The following RAB7A variants were observed in gnomAD, a reference collection of about 807,000 sequenced individuals.
The protein encoded by RAB7A is RAB7A, member RAS oncogene family.
RAB7A carries 2 observed loss-of-function variants against 24.5 expected under a neutral mutation model. The observed-to-expected ratio is 0.08, with a 90% CI of 0.03 to 0.26. The LOEUF (loss-of-function observed/expected upper bound fraction) is 0.26, where lower values mean the gene tolerates loss of function less well. Ranked by LOEUF, RAB7A falls within the 10% of genes least tolerant of loss-of-function variation. The pLI is 1.00. For missense variants in RAB7A, 118 were observed against 255.7 expected (o/e 0.46, Z 3.67); for synonymous variants, 100 against 95.9 (o/e 1.04, Z -0.25).
intron 1 of RAB7A, among the ~76,000 whole-genome samples, chr3:128,729,779 A>G (rs1287736688): frequency 6.6e-6 from 1 of 152,152 alleles, no homozygotes; most frequent in East Asian, 1.9e-4. Context: ...ATTTAATTCA[A>G]CAAATACAGC....
chr3:128,747,485 C>T (rs1455527477), intron 1 of RAB7A, among the ~76,000 whole-genome samples: 1 of 151,012 alleles, frequency 6.6e-6, no homozygotes, highest in Admixed American at 6.6e-5. Flanking sequence ...ACTTGGGAGG[C>T]TGAGGCAGGA....
At chr3:128,813,194 G>C (rs1158589854) in intron 5 of RAB7A, 133 bp from the exon 6 acceptor site, 3 of 846,464 alleles carry the variant, frequency 3.5e-6, no homozygotes, top group African/African-American at 1.7e-5. Context: ...TGTGTGGGCA[G>C]GCTCTGCTTC....
chr3:128,752,479 T>C (rs1268382058), intron 1 of RAB7A, among the ~76,000 whole-genome samples: 2 of 149,396 alleles, frequency 1.3e-5, no homozygotes, highest in East Asian at 3.9e-4. Context: ...AAAGACAAAG[T>C]AGAGAAAAAA....
At chr3:128,737,447 G>A (rs866986723) in intron 1 of RAB7A, among the ~76,000 whole-genome samples, 66 of 148,938 alleles carry the variant, frequency 4.4e-4, no homozygotes, top group African/African-American at 1.5e-3. Flanking sequence ...AGGCTCAAGC[G>A]ATCCTCCCAC....
chr3:128,743,782 T>TTC (rs1214646833), intron 1 of RAB7A, among the ~76,000 whole-genome samples: 1 of 149,014 alleles, frequency 6.7e-6, no homozygotes, highest in Non-Finnish European at 1.5e-5. Context: ...ACAAAATAAT[T>TTC]TCTCTCTCTC....
chr3:128,746,221 A>G (rs1315192406), intron 1 of RAB7A, among the ~76,000 whole-genome samples: 1 of 152,146 alleles, frequency 6.6e-6, no homozygotes, highest in Non-Finnish European at 1.5e-5. Context: ...TCTGTTCACC[A>G]TCAGTCTACT....
intron 1 of RAB7A, among the ~76,000 whole-genome samples, chr3:128,784,893 T>C (rs1933303923): frequency 6.6e-6 from 1 of 152,154 alleles, no homozygotes; most frequent in Non-Finnish European, 1.5e-5. Flanking sequence ...ATAGTAAGAT[T>C]AATAACACAA....
At chr3:128,782,335 C>T (rs932012888) in intron 1 of RAB7A, among the ~76,000 whole-genome samples, 3 of 152,132 alleles carry the variant, frequency 2.0e-5, no homozygotes, top group African/African-American at 7.2e-5. Context: ...AAACACTGCA[C>T]ATGCCAGAAC....
chr3:128,750,767 T>C lies in RAB7A; in HGVS notation c.-9+24408T>C, dbSNP rs144623411. On this transcript the variant is annotated intron_variant, in intron 1 of 5. Transcript: ENST00000265062. ...AGCTGAATGTTAACTCCCAAGACAATGGGGAAAATGTCTCCAGGGCATGTC... is the reference window on the plus strand; with the variant it reads ...AGCTGAATGTTAACTCCCAAGACAACGGGGAAAATGTCTCCAGGGCATGTC... Among the ~76,000 whole-genome samples the C allele has an allele frequency of 2.3e-3, 343 of 152,250 alleles. 2 individuals carry two copies. The highest frequency in any genetic ancestry group is 8.1e-3 in the African/African-American group (335 of 41,546).
rs913725632 is a variant in RAB7A at position 128,814,321 on chromosome 3, A to T, written c.*899A>T. On this transcript the variant is annotated 3_prime_UTR_variant, in exon 6 of 6. Coordinates refer to ENST00000265062, the MANE Select transcript of RAB7A (RefSeq NM_004637.6). ...ACTGTCTAGTTCCCTTCTGTGTCTA[A>T]ATTTTCCAAAACGTTGATTTGCATA... 7 of 152,722 alleles carry T rather than the reference A, an allele frequency of 4.6e-5. No homozygotes were observed. The highest frequency in any genetic ancestry group is 1.7e-4 in the African/African-American group (7 of 41,450). 9.5% of individuals were successfully genotyped at this position (152,722 alleles called of 1,614,324 possible).
chr3:128,770,565 G>C (rs1166065352), intron 1 of RAB7A, among the ~76,000 whole-genome samples: 1 of 152,176 alleles, frequency 6.6e-6, no homozygotes, highest in Non-Finnish European at 1.5e-5. Context: ...GGATACGCTG[G>C]AGAGTCATGG....
intron 1 of RAB7A, among the ~76,000 whole-genome samples, chr3:128,749,860 C>T (rs2070658898): frequency 6.6e-6 from 1 of 152,172 alleles, no homozygotes; most frequent in Non-Finnish European, 1.5e-5. Context: ...ATGGGTATGT[C>T]TTTATCAGCA....
At chr3:128,737,907 C>T (rs921069661) in intron 1 of RAB7A, among the ~76,000 whole-genome samples, 2 of 141,294 alleles carry the variant, frequency 1.4e-5, no homozygotes, top group Admixed American at 1.5e-4. Flanking sequence ...AACTCTAGGC[C>T]TCAAGTGATC....
intron 1 of RAB7A, among the ~76,000 whole-genome samples, chr3:128,729,454 C>T (rs1559776822): frequency 6.6e-6 from 1 of 151,808 alleles, no homozygotes. Flanking sequence ...CCTGTAGTCC[C>T]AGCTACTCGT....
intron 1 of RAB7A, among the ~76,000 whole-genome samples, chr3:128,759,236 A>G (rs542914273): frequency 6.6e-6 from 1 of 152,358 alleles, no homozygotes. Context: ...GAATAAGATT[A>G]AGTAAACTGT....
chr3:128,759,285 G>A lies in RAB7A; in HGVS notation c.-9+32926G>A, dbSNP rs577933851. 4.6e-5 allele frequency among the ~76,000 whole-genome samples: 7 copies of A among 152,322 alleles called. No individual in the cohort carries two copies. In the South Asian group the frequency reaches 1.5e-3, roughly 32 times the overall value. The stretch of plus-strand genomic sequence containing the variant: ...ATAATGTGGCAGGAATTCAGTGTTA[G>A]CGGTGGAAAAGCCACAGGAGCTTAA... On this transcript the variant is annotated intron_variant, in intron 1 of 5. Transcript: ENST00000265062.
intron 1 of RAB7A, among the ~76,000 whole-genome samples, chr3:128,761,114 G>A (rs952666502): frequency 6.6e-6 from 1 of 152,122 alleles, no homozygotes; most frequent in African/African-American, 2.4e-5. Flanking sequence ...TGTTCTTGAG[G>A]TTTCTCAGCC....
At chr3:128,790,331 T>C (rs1055289483) in intron 1 of RAB7A, among the ~76,000 whole-genome samples, 3 of 152,136 alleles carry the variant, frequency 2.0e-5, no homozygotes, top group African/African-American at 4.8e-5. Context: ...TGAGTGGAGA[T>C]TTTTGTCATC....
chr3:128,786,410 C>G (rs1395919932), intron 1 of RAB7A, among the ~76,000 whole-genome samples: 1 of 139,586 alleles, frequency 7.2e-6, no homozygotes, highest in Non-Finnish European at 1.7e-5. Context: ...TCCTCATGAC[C>G]TTCTCCAAAA....
Sources: allele counts gnomAD v4.1 joint callset (sites outside exome capture counted in the v4.1 genomes callset), GRCh38; gene constraint gnomAD v4.1.1; transcripts MANE v1.5; gene names NCBI Gene and HGNC (gene_info 2026-07-23, HGNC 2026-07-21).